Variants in ACAD11 observed in about 807,000 individuals in gnomAD.
ACAD11 encodes the protein acyl-CoA dehydrogenase family member 11, also known as acyl-Coenzyme A dehydrogenase family, member 11.
A neutral mutation model predicts 102.2 loss-of-function variants in ACAD11; 83 were observed. The ratio of observed to expected loss-of-function variants is 0.81; its 90% CI spans 0.68 to 0.97. The LOEUF is 0.97. ACAD11 is among the 50% of genes least tolerant of loss of function. The pLI is 0.00. For synonymous variants in ACAD11, 324 were observed against 319.8 expected (o/e 1.01, Z -0.14); for missense variants, 901 against 951.7 (o/e 0.95, Z 0.70).
In ACAD11 at chr3:132,558,965, C is replaced by A; in HGVS notation, c.*6G>T. The A allele has an allele frequency of 6.2e-7, 1 of 1,606,136 alleles. No homozygotes were observed. Among genetic ancestry groups the A allele is most frequent in the Non-Finnish European group, 8.5e-7 (1 of 1,174,046 alleles). ...CTGCCAGTGGGATGTGGCAGTGCCACCCTCCTTATATCTTGGCTGTCAGTC... is the reference window on the plus strand; with the variant it reads ...CTGCCAGTGGGATGTGGCAGTGCCAACCTCCTTATATCTTGGCTGTCAGTC... On this transcript the variant is annotated 3_prime_UTR_variant, in exon 20 of 20. Coordinates refer to ENST00000264990, the MANE Select transcript of ACAD11 (RefSeq NM_032169.5).
At chr3:132,613,142 T>C (rs1310889786) in intron 11 of ACAD11, among the ~76,000 whole-genome samples, 4 of 150,228 alleles carry the variant, frequency 2.7e-5, no homozygotes, top group Admixed American at 6.6e-5. Context: ...AACCAAACAC[T>C]GCATGTTCTC....
intron 17 of ACAD11, among the ~76,000 whole-genome samples, chr3:132,567,943 A>T (rs1937261669): frequency 6.6e-6 from 1 of 152,134 alleles, no homozygotes; most frequent in Non-Finnish European, 1.5e-5. Flanking sequence ...TTTACAGATG[A>T]CATGATTATC....
At chr3:132,639,416 T>C (rs1576613677) in intron 5 of ACAD11, 76 bp downstream of exon 5, 2 of 1,421,010 alleles carry the variant, frequency 1.4e-6, no homozygotes, top group Non-Finnish European at 1.9e-6. Flanking sequence ...CCCTCAGTGC[T>C]CTGGGGGGAG....
chr3:132,559,021 C>G lies in ACAD11; in HGVS notation c.2293G>C (p.Ala765Pro), dbSNP rs778814949. 6.2e-7 allele frequency: 1 copy of G among 1,613,458 alleles called. No individual in the cohort carries two copies. Among genetic ancestry groups the G allele is most frequent in the Non-Finnish European group, 8.5e-7 (1 of 1,179,764 alleles). The change falls in exon 20 of 20, where the codon GCA becomes CCA. Residue 765 changes from alanine to proline, a missense_variant. Physicochemically the swap from Ala to Pro is conservative, Grantham distance 27 (BLOSUM62 -1). Coordinates refer to ENST00000264990, the MANE Select transcript of ACAD11 (RefSeq NM_032169.5). ...GPDEVHLSAIATMELRDQAKR... is the reference protein window; with the variant it reads ...GPDEVHLSAIPTMELRDQAKR... ...GCTTGGTCCCGCAGCTCCATTGTTG[C>G]GATTGCTGAAAGATGAACTTCGTCA...
At chr3:132,595,008 T>A (rs1938240263) in intron 13 of ACAD11, among the ~76,000 whole-genome samples, 1 of 152,196 alleles carries the variant, frequency 6.6e-6, no homozygotes, top group African/African-American at 2.4e-5. Flanking sequence ...AAGCTTATGT[T>A]CTAATACAGG....
chr3:132,604,970 A>T, intron 12 of ACAD11, 128 bp downstream of exon 12: 1 of 585,264 alleles, frequency 1.7e-6, no homozygotes, highest in African/African-American at 1.9e-5. Context: ...CAAAATAAAC[A>T]TACTCACATT....
At position 132,659,690 on chromosome 3, in the gene ACAD11, T is replaced by C; in HGVS notation, c.62A>G (p.Asp21Gly). ...LAEVLPQHKF[D>G]SKSLEAYLNQ... ...TAGGTAGGCCTCCAGGGACTTGCTG[T>C]CGAACTTGTGCTGGGGCAGCACTTC... is the stretch of plus-strand genomic sequence containing the variant. The change falls in exon 1 of 20, where the codon GAC (aspartate) becomes GGC (glycine). Residue 21 changes from aspartate (D) to glycine (G), a missense_variant. By Grantham distance (94) the Asp-to-Gly change is moderately conservative (BLOSUM62 -1). Coordinates refer to ENST00000264990, the MANE Select transcript of ACAD11 (RefSeq NM_032169.5). 1.2e-6 allele frequency: 2 copies of C among 1,611,948 alleles called. No individual in the cohort carries two copies. The highest frequency in any genetic ancestry group is 1.3e-5 in the African/African-American group (1 of 74,884).
At chr3:132,584,504 T>C (rs1937713645) in intron 13 of ACAD11, among the ~76,000 whole-genome samples, 1 of 152,188 alleles carries the variant, frequency 6.6e-6, no homozygotes, top group Non-Finnish European at 1.5e-5. Context: ...GGGTCTTGAC[T>C]CTTTTTCCAA....
intron 13 of ACAD11, among the ~76,000 whole-genome samples, chr3:132,597,970 T>C (rs1201713824): frequency 4.6e-5 from 7 of 152,206 alleles, no homozygotes; most frequent in Non-Finnish European, 8.8e-5. Flanking sequence ...ACCCGGTTTT[T>C]ACATAATGAA....
At chr3:132,613,608 C>T (rs1939264803) in intron 11 of ACAD11, among the ~76,000 whole-genome samples, 1 of 151,878 alleles carries the variant, frequency 6.6e-6, no homozygotes, top group Non-Finnish European at 1.5e-5. Context: ...TTTAGAAAAC[C>T]CCATCATTGG....
At chr3:132,643,874 G>T (rs921928170) in intron 2 of ACAD11, among the ~76,000 whole-genome samples, 7 of 152,104 alleles carry the variant, frequency 4.6e-5, no homozygotes, top group African/African-American at 1.7e-4. Context: ...AGCTGTACTT[G>T]GGCTGAGAGC....
chr3:132,568,792 A>G (rs1357396531), intron 17 of ACAD11, among the ~76,000 whole-genome samples: 1 of 137,036 alleles, frequency 7.3e-6, no homozygotes, highest in Non-Finnish European at 1.5e-5. Flanking sequence ...GCAATTGGAC[A>G]TCCACAGGCA....
At chr3:132,646,341 C>T (rs1460824552) in intron 1 of ACAD11, 1 of 151,436 alleles carries the variant, frequency 6.6e-6, no homozygotes, top group East Asian at 1.9e-4. Context: ...GCTTGTGATC[C>T]GCCTGCCTGG....
At chr3:132,639,883 A>G (rs1369326707) in intron 4 of ACAD11, among the ~76,000 whole-genome samples, 1 of 152,034 alleles carries the variant, frequency 6.6e-6, no homozygotes, top group Non-Finnish European at 1.5e-5. Context: ...TATCAAGAGA[A>G]AAATACTGGC....
intron 1 of ACAD11, 112 bp downstream of exon 1, chr3:132,659,491 T>A: frequency 2.0e-6 from 3 of 1,490,560 alleles, no homozygotes; most frequent in South Asian, 2.4e-5. Context: ...GTCCACTGAC[T>A]GCAGGAAAAG....
At chr3:132,636,874 C>T (rs1411521897) in intron 5 of ACAD11, among the ~76,000 whole-genome samples, 1 of 151,974 alleles carries the variant, frequency 6.6e-6, no homozygotes, top group Non-Finnish European at 1.5e-5. Flanking sequence ...ACTGAAAGGA[C>T]AAAGATGAGT....
In ACAD11 at chr3:132,587,818, C is replaced by T. The variant is rs539064808; in HGVS notation, c.1622-8260G>A. Among the ~76,000 whole-genome samples the T allele has an allele frequency of 8.5e-5, 13 of 152,110 alleles. 1 individual carries two copies. The highest frequency in any genetic ancestry group is 2.0e-4 in the Admixed American group (3 of 15,250). On this transcript the variant is annotated intron_variant, in intron 13 of 19. Coordinates refer to ENST00000264990, the MANE Select transcript of ACAD11 (RefSeq NM_032169.5). The stretch of plus-strand genomic sequence containing the variant: ...AGGTGGATGGGAAATCAAATTTCAG[C>T]GTAGTTCTTATTATTTAGCTGCAAG...
intron 5 of ACAD11, among the ~76,000 whole-genome samples, chr3:132,633,229 T>C (rs936027726): frequency 2.0e-5 from 3 of 152,208 alleles, no homozygotes; most frequent in African/African-American, 7.2e-5. Flanking sequence ...ATAGCTCTTA[T>C]TATTTTGAGA....
At chr3:132,565,114 C>T (rs1001615695) in intron 17 of ACAD11, among the ~76,000 whole-genome samples, 3 of 152,186 alleles carry the variant, frequency 2.0e-5, no homozygotes, top group Admixed American at 6.5e-5. Flanking sequence ...TCCAGCCAAA[C>T]ACCACAGAAA....
Sources: gnomAD v4.1 joint callset for allele counts (sites outside exome capture counted in the v4.1 genomes callset) on GRCh38, gnomAD v4.1.1 for gene constraint, MANE v1.5 for transcripts, NCBI Gene and HGNC (gene_info 2026-07-23, HGNC 2026-07-21) for gene names.